COP1: variants seen among roughly 807,000 people sequenced by gnomAD.
The protein encoded by COP1 is COP1 E3 ubiquitin ligase.
Under a neutral mutation model 101.3 loss-of-function variants are expected in COP1, and 24 were observed. The observed-to-expected ratio is 0.24, with a 90% CI of 0.17 to 0.33. The LOEUF (loss-of-function observed/expected upper bound fraction) is 0.33, where lower values mean the gene tolerates loss of function less well. Among genes scored for constraint, COP1 ranks in the 10% least tolerant of loss-of-function variants. The probability of loss-of-function intolerance (pLI) is 1.00; values close to 1 mark genes in which losing one functional copy is unlikely to be tolerated. For synonymous variants in COP1, 347 were observed against 341.9 expected, an observed-to-expected ratio of 1.01 and a Z score of -0.17; for missense variants, 663 against 906.2, an observed-to-expected ratio of 0.73 and a Z score of 3.45.
intron 5 of COP1, 28 bp downstream of exon 5, chr1:176,162,841 A>AT (rs749295219): frequency 1.5e-5 from 24 of 1,555,182 alleles, no homozygotes; most frequent in African/African-American, 4.1e-5. Context: ...ATCATTTAAA[A>AT]TTTTTTTTAA....
chr1:176,172,163 C>T (rs1696169825), intron 3 of COP1, among the ~76,000 whole-genome samples: 1 of 152,182 alleles, frequency 6.6e-6, no homozygotes, highest in African/African-American at 2.4e-5. Context: ...GATCCTCTCA[C>T]CTCAGCCTCC....
At chr1:176,001,335 A>G (rs1053098690) in intron 15 of COP1, among the ~76,000 whole-genome samples, 1 of 152,122 alleles carries the variant, frequency 6.6e-6, no homozygotes, top group Non-Finnish European at 1.5e-5. Context: ...CATCATGCAT[A>G]AGAATGCTAT....
intron 9 of COP1, among the ~76,000 whole-genome samples, chr1:176,103,044 C>T (rs1355173074): frequency 2.0e-5 from 3 of 152,210 alleles, no homozygotes; most frequent in Non-Finnish European, 4.4e-5. Flanking sequence ...GCATAGCTGG[C>T]TCTGCATGAA....
intron 1 of COP1, among the ~76,000 whole-genome samples, chr1:176,192,294 T>C (rs1381461113): frequency 6.6e-6 from 1 of 152,142 alleles, no homozygotes; most frequent in African/African-American, 2.4e-5. Flanking sequence ...GAAGATTTAA[T>C]TCGTCTTGTG....
At chr1:176,071,151 G>T (rs2149348895) in intron 11 of COP1, among the ~76,000 whole-genome samples, 1 of 152,272 alleles carries the variant, frequency 6.6e-6, no homozygotes, top group Admixed American at 6.5e-5. Flanking sequence ...AATCCCTCAT[G>T]GCTTGGTGCT....
At chr1:176,100,514 C>T (rs1279427404) in intron 9 of COP1, among the ~76,000 whole-genome samples, 1 of 152,052 alleles carries the variant, frequency 6.6e-6, no homozygotes, top group African/African-American at 2.4e-5. Context: ...TAGACTAACC[C>T]TGCTTGTTCC....
chr1:176,155,341 A>G (rs1693285267), intron 5 of COP1, among the ~76,000 whole-genome samples: 1 of 151,964 alleles, frequency 6.6e-6, no homozygotes, highest in Admixed American at 6.6e-5. Flanking sequence ...ATAATTTTAT[A>G]AGTAAATAAA....
At chr1:176,117,867 C>A (rs1686470248) in intron 8 of COP1, among the ~76,000 whole-genome samples, 1 of 152,110 alleles carries the variant, frequency 6.6e-6, no homozygotes. Flanking sequence ...TGCACTCCAG[C>A]CTGGGCAACA....
At chr1:176,183,945 TG>T (rs1393432936) in intron 2 of COP1, among the ~76,000 whole-genome samples, 1 of 151,858 alleles carries the variant, frequency 6.6e-6, no homozygotes, top group Non-Finnish European at 1.5e-5. Context: ...GAAGGGGAAA[TG>T]GGGAATTGTT....
intron 3 of COP1, among the ~76,000 whole-genome samples, chr1:176,173,242 T>C (rs1192668823): frequency 7.3e-6 from 1 of 137,384 alleles, no homozygotes; most frequent in Non-Finnish European, 1.5e-5. Context: ...GCCCAGGAGG[T>C]GGAGGTTGCA....
Position 176,207,105 on chromosome 1 carries a change from G to C in COP1, c.-127C>G. ...CCCGCCGAGCCGGAGGTGGGGCTGA[G>C]GAACAATAAAGTTGCGTTTTTTTTT... On this transcript the variant is annotated 5_prime_UTR_variant, in exon 1 of 20. Transcript: ENST00000367669. 1.4e-6 allele frequency: 1 copy of C among 736,382 alleles called. No homozygotes were observed. Among genetic ancestry groups the C allele is most frequent in the Non-Finnish European group, 1.9e-6 (1 of 513,348 alleles). 45.6% of individuals were successfully genotyped at this position (736,382 alleles called of 1,614,324 possible).
chr1:176,086,403 T>C (rs1680179955), intron 9 of COP1, among the ~76,000 whole-genome samples: 1 of 151,908 alleles, frequency 6.6e-6, no homozygotes, highest in African/African-American at 2.4e-5. Flanking sequence ...TTATATTGAA[T>C]TTTTAGTAGA....
chr1:176,068,310 T>A (rs551389256), intron 11 of COP1, among the ~76,000 whole-genome samples: 1 of 152,172 alleles, frequency 6.6e-6, no homozygotes, highest in Non-Finnish European at 1.5e-5. Flanking sequence ...GTTCTCAAAG[T>A]GTGGTTGCAG....
At chr1:176,005,471 T>A (rs1384339879) in intron 15 of COP1, among the ~76,000 whole-genome samples, 1 of 152,172 alleles carries the variant, frequency 6.6e-6, no homozygotes, top group African/African-American at 2.4e-5. Context: ...TCTTTCCTGC[T>A]TTCTCTTGTG....
At chr1:176,114,785 A>G (rs894965947) in intron 9 of COP1, among the ~76,000 whole-genome samples, 1 of 152,114 alleles carries the variant, frequency 6.6e-6, no homozygotes, top group African/African-American at 2.4e-5. Flanking sequence ...GCGGGGTCTC[A>G]CCATGTTGCC....
intron 18 of COP1, among the ~76,000 whole-genome samples, chr1:175,985,820 A>C (rs972728631): frequency 6.6e-6 from 1 of 152,134 alleles, no homozygotes; most frequent in African/African-American, 2.4e-5. Flanking sequence ...CAATTAGCAA[A>C]ACTGGAAATG....
At chr1:176,206,341 T>C (rs549060040) in intron 1 of COP1, 36 of 545,034 alleles carry the variant, frequency 6.6e-5, no homozygotes, top group African/African-American at 6.4e-4. Flanking sequence ...TCAGCAACAC[T>C]TACCTACCTC....
chr1:176,080,275 C>T (rs1351674114), intron 11 of COP1, among the ~76,000 whole-genome samples: 1 of 151,852 alleles, frequency 6.6e-6, no homozygotes, highest in Non-Finnish European at 1.5e-5. Context: ...GTGGCTAATA[C>T]AGTACTTAGA....
intron 5 of COP1, among the ~76,000 whole-genome samples, chr1:176,161,537 G>A (rs1030655011): frequency 6.6e-6 from 1 of 152,134 alleles, no homozygotes; most frequent in Non-Finnish European, 1.5e-5. Context: ...GGTAGAGGAT[G>A]CAGTGAGCTA....
Sources: gnomAD v4.1 joint callset for allele counts (sites outside exome capture counted in the v4.1 genomes callset) on GRCh38, gnomAD v4.1.1 for gene constraint, MANE v1.5 for transcripts, NCBI Gene and HGNC (gene_info 2026-07-23, HGNC 2026-07-21) for gene names.